Variants in CMPK2 observed in about 807,000 individuals in gnomAD.
CMPK2 encodes cytidine/uridine monophosphate kinase 2.
A neutral mutation model predicts 33.4 loss-of-function variants in CMPK2; 32 were observed. That is an observed-to-expected ratio of 0.96 (90% CI 0.72 to 1.29). The LOEUF is 1.29. Ranked by LOEUF, CMPK2 falls within the 50% of genes most tolerant of loss-of-function variation. The probability of loss-of-function intolerance (pLI) is 0.00; values close to 1 mark genes in which losing one functional copy is unlikely to be tolerated. For missense variants in CMPK2, 672 were observed against 616.0 expected (o/e 1.09, Z -0.96); for synonymous variants, 299 against 275.3 (o/e 1.09, Z -0.85).
chr2:6,855,489 G>A (rs1394493226), intron 3 of CMPK2, among the ~76,000 whole-genome samples: 4 of 152,054 alleles, frequency 2.6e-5, no homozygotes, highest in Admixed American at 2.0e-4. Flanking sequence ...AGATTACCCA[G>A]TATCAGGTAC....
upstream of CMPK2, chr2:6,865,976 G>A (rs1353691007): frequency 3.1e-6 from 3 of 962,462 alleles, no homozygotes; most frequent in Non-Finnish European, 4.2e-6. Flanking sequence ...GGCTCCGCGG[G>A]CCTGCGCGGT....
In CMPK2 at chr2:6,848,666, A is replaced by G; in HGVS notation, c.*1184T>C. The G allele has an allele frequency of 1.0e-6, 1 of 980,104 alleles. No individual in the cohort carries two copies. 60.7% of individuals were successfully genotyped at this position (980,104 alleles called of 1,614,324 possible). A position where few individuals can be genotyped will look rare whatever the true frequency, so the allele number is the denominator to read the frequency against. On this transcript the variant is annotated 3_prime_UTR_variant, in exon 5 of 5. Coordinates refer to ENST00000256722, the MANE Select transcript of CMPK2 (RefSeq NM_207315.4). ...TATTTTGGAGTAATGTCTTCTTAAGAAATGGTAGATAGGATAAAATAATTT... is the reference window on the plus strand; with the variant it reads ...TATTTTGGAGTAATGTCTTCTTAAGGAATGGTAGATAGGATAAAATAATTT...
Position 6,840,801 on chromosome 2 carries a change from G to C in CMPK2, c.993-123C>G, listed in dbSNP as rs567820099. ...CTGTTTTAATTCCTGCTAGAACTGGGCCAGGGAGGTTACATGTTTAACCAA... is the reference window on the plus strand; with the variant it reads ...CTGTTTTAATTCCTGCTAGAACTGGCCCAGGGAGGTTACATGTTTAACCAA... On this transcript the variant is annotated intron_variant, in intron 3 of 3. Coordinates refer to the CMPK2 transcript ENST00000458098. 1.1e-5 allele frequency: 7 copies of C among 628,490 alleles called. No homozygotes were observed. In the Admixed American group the frequency reaches 1.3e-4, roughly 11 times the overall value. 38.9% of individuals were successfully genotyped at this position (628,490 alleles called of 1,614,324 possible).
At chr2:6,853,912 A>G (rs1442789944) in intron 3 of CMPK2, among the ~76,000 whole-genome samples, 2 of 151,964 alleles carry the variant, frequency 1.3e-5, no homozygotes, top group South Asian at 2.1e-4. Flanking sequence ...AAAAAAAAAA[A>G]GAAAAATTCA....
At position 6,848,888 on chromosome 2, in the gene CMPK2, A is replaced by G. The variant is rs1030079387; in HGVS notation, c.*962T>C. 1.0e-6 allele frequency: 1 copy of G among 985,684 alleles called. No homozygotes were observed. The highest frequency in any genetic ancestry group is 1.2e-6 in the Non-Finnish European group (1 of 829,850). The allele number at this position is 985,684 out of a possible 1,614,324, so 61.1% of individuals were successfully genotyped here. A position where few individuals can be genotyped will look rare whatever the true frequency, so the allele number is the denominator to read the frequency against. ...ATTTACCAAGAAATCCCACTCCAAG[A>G]TCCACTGTACTTATTTAACAAGACA... On this transcript the variant is annotated 3_prime_UTR_variant, in exon 5 of 5. Transcript: ENST00000256722.
intron 3 of CMPK2, among the ~76,000 whole-genome samples, chr2:6,853,406 G>C (rs547464161): frequency 1.3e-5 from 2 of 152,150 alleles, no homozygotes; most frequent in East Asian, 3.9e-4. Context: ...TGTACATGTA[G>C]GTAAAAGTCA....
At chr2:6,843,359 T>G (rs528531780), downstream of CMPK2, among the ~76,000 whole-genome samples, 2 of 152,318 alleles carry the variant, frequency 1.3e-5, no homozygotes, top group South Asian at 2.1e-4. Flanking sequence ...CTAGTATCCA[T>G]TCCCCACTGG....
In CMPK2 at chr2:6,861,265, C is replaced by T. The variant is rs1662872554; in HGVS notation, c.911G>A (p.Arg304Lys). The stretch of plus-strand genomic sequence containing the variant: ...ATAATTGCCCAAAGAGTAAAAAGCT[C>T]TTCTAATGATAGTTGGTTCATCATC... ...IFDDEPTIIR[R>K]AFYSLGNYIV... is the part of the protein sequence containing the mutation. Residue 304 changes from arginine to lysine, a missense_variant, in exon 3 of 5, where the codon AGA (arginine) becomes AAA (lysine). Coordinates refer to ENST00000256722, the MANE Select transcript of CMPK2 (RefSeq NM_207315.4). 6.2e-7 allele frequency: 1 copy of T among 1,613,942 alleles called. No homozygotes were observed. Among genetic ancestry groups the T allele is most frequent in the Non-Finnish European group, 8.5e-7 (1 of 1,179,974 alleles).
At chr2:6,843,033 C>T (rs1662270081) in intron 3 of CMPK2, among the ~76,000 whole-genome samples, 1 of 152,058 alleles carries the variant, frequency 6.6e-6, no homozygotes, top group African/African-American at 2.4e-5. Flanking sequence ...GGAATATCAT[C>T]TACTTATTGT....
rs146900662 is a variant in CMPK2, at chr2:6,855,773, C to A, written c.993-4090G>T. ...TGCAGCCACAGCCTTCTAGCTGATT[C>A]TTTTTCCTTTCTTGCCCCTCCCCCA... On this transcript the variant is annotated intron_variant, in intron 3 of 4. Coordinates refer to ENST00000256722, the MANE Select transcript of CMPK2 (RefSeq NM_207315.4). 5.0e-4 allele frequency among the ~76,000 whole-genome samples: 76 copies of A among 152,290 alleles called. 1 individual carries two copies. The East Asian group carries it at 0.014, about 28-fold the overall frequency.
At chr2:6,866,048 AGC>A (rs1663079230), upstream of CMPK2, 1 of 330,192 alleles carries the variant, frequency 3.0e-6, no homozygotes, top group African/African-American at 2.2e-5. Context: ...GCCCCAAGGT[AGC>A]TCCGTGTGCG....
intron 3 of CMPK2, among the ~76,000 whole-genome samples, chr2:6,856,941 A>G (rs1350034339): frequency 6.6e-6 from 1 of 152,224 alleles, no homozygotes; most frequent in Non-Finnish European, 1.5e-5. Flanking sequence ...AAATTTTGCA[A>G]CAGTATGAAG....
At chr2:6,862,573 T>C (rs183624398) in intron 2 of CMPK2, among the ~76,000 whole-genome samples, 10 of 152,318 alleles carry the variant, frequency 6.6e-5, no homozygotes, top group South Asian at 2.1e-4. Context: ...AGCTGAAGGA[T>C]TGATGGTGTT....
Position 6,851,645 on chromosome 2 carries a change from T to A in CMPK2, c.1031A>T (p.Glu344Val). 1 of 1,614,108 alleles carries A rather than the reference T, an allele frequency of 6.2e-7. No individual in the cohort carries two copies. Among genetic ancestry groups the A allele is most frequent in the Non-Finnish European group, 8.5e-7 (1 of 1,180,006 alleles). Reference sequence around the variant, plus strand: ...CAGGTGCTGGAGACCCCCACTCACCTCAGTGGCTATGGCATAGGTGGCCGT... The same window carrying A: ...CAGGTGCTGGAGACCCCCACTCACCACAGTGGCTATGGCATAGGTGGCCGT... ...HSTATYAIAT[E>V]VSGGLQHLPP... Residue 344 changes from glutamate to valine, a missense_variant, in exon 4 of 5, where the codon GAG (glutamate) becomes GTG (valine). Coordinates refer to ENST00000256722, the MANE Select transcript of CMPK2 (RefSeq NM_207315.4).
At chr2:6,865,945 G>C (rs748517929), upstream of CMPK2, 2 of 1,303,840 alleles carry the variant, frequency 1.5e-6, no homozygotes, top group African/African-American at 1.6e-5. Context: ...CAGACGCTTG[G>C]CCCCGGGGCC....
upstream of CMPK2, chr2:6,866,607 A>G: frequency 8.2e-6 from 2 of 245,086 alleles, no homozygotes; most frequent in Non-Finnish European, 1.3e-5. Context: ...CAGCATCAGC[A>G]CTGTTGCTGC....
Position 6,863,455 on chromosome 2 carries a change from T to G in CMPK2, c.790+9A>C. The G allele has an allele frequency of 6.2e-7, 1 of 1,609,246 alleles. No individual in the cohort carries two copies. Among genetic ancestry groups the G allele is most frequent in the African/African-American group, 1.3e-5 (1 of 74,848 alleles). On this transcript the variant is annotated intron_variant, in intron 2 of 4. Transcript: ENST00000256722. The stretch of plus-strand genomic sequence containing the variant: ...CATTGCCTATAACTAAAAGGTAATA[T>G]TATCTTACCCGTGGCATCCAGTCCT...
Position 6,849,846 on chromosome 2 carries a change from G to A in CMPK2, c.*4C>T, listed in dbSNP as rs762478833. ...TAGTTAGACGTGGCACCTGGCCAGA[G>A]TAACTACGGTTCACTAAAACTATTC... On this transcript the variant is annotated 3_prime_UTR_variant, in exon 5 of 5. Transcript: ENST00000256722. The A allele has an allele frequency of 1.2e-5, 20 of 1,613,628 alleles. No homozygotes were observed. The highest frequency in any genetic ancestry group is 3.3e-5 in the South Asian group (3 of 90,958).
chr2:6,846,542 C>A (rs1008041636), downstream of CMPK2, among the ~76,000 whole-genome samples: 4 of 152,196 alleles, frequency 2.6e-5, no homozygotes, highest in Non-Finnish European at 5.9e-5. Flanking sequence ...AAAACACCCA[C>A]AACATTGCAT....
Sources: gnomAD v4.1 joint callset for allele counts (sites outside exome capture counted in the v4.1 genomes callset) on GRCh38, gnomAD v4.1.1 for gene constraint, MANE v1.5 for transcripts, NCBI Gene and HGNC (gene_info 2026-07-23, HGNC 2026-07-21) for gene names.